The following DIP2B variants were observed in gnomAD, a reference collection of about 807,000 sequenced individuals.
DIP2B encodes the protein DIP2 acetate--CoA ligase B (putative), also known as disco-interacting protein 2 homolog B.
A neutral mutation model predicts 198.0 loss-of-function variants in DIP2B; 76 were observed. The observed-to-expected ratio is 0.38, with a 90% CI of 0.32 to 0.46. DIP2B has a LOEUF of 0.46. DIP2B is among the 20% of genes least tolerant of loss of function. DIP2B has a pLI of 0.99. For synonymous variants in DIP2B, 701 were observed against 739.1 expected (o/e 0.95, Z 0.84); for missense variants, 1,559 against 1,978.4 (o/e 0.79, Z 4.02).
chr12:50,516,946 A>G (rs1958071153), intron 1 of DIP2B, among the ~76,000 whole-genome samples: 1 of 151,974 alleles, frequency 6.6e-6, no homozygotes, highest in Non-Finnish European at 1.5e-5. Flanking sequence ...CAGTGAGCCA[A>G]GATCGTGCCA....
At chr12:50,635,959 G>A (rs997939378) in intron 2 of DIP2B, among the ~76,000 whole-genome samples, 43 of 152,120 alleles carry the variant, frequency 2.8e-4, no homozygotes, top group African/African-American at 1.0e-3. Flanking sequence ...CTAAATGCTT[G>A]CAATATGAAA....
intron 1 of DIP2B, among the ~76,000 whole-genome samples, chr12:50,601,720 C>T (rs1958938541): frequency 1.3e-5 from 2 of 152,102 alleles, no homozygotes; most frequent in Non-Finnish European, 1.5e-5. Context: ...GAACACTCCT[C>T]TTCCTTCTTT....
At position 50,588,552 on chromosome 12, in the gene DIP2B, TA is replaced by T. The variant is rs1593633122; in HGVS notation, c.101-37421del. Reference sequence around the variant, plus strand: ...GTTATTTCCTTAATAGTCACTTCACTAAAGAGCAGGAGGATGTTTTTTGGGG... The same window carrying T: ...GTTATTTCCTTAATAGTCACTTCACTAAGAGCAGGAGGATGTTTTTTGGGG... On this transcript the variant is annotated intron_variant, in intron 1 of 37. Coordinates refer to ENST00000301180, the MANE Select transcript of DIP2B (RefSeq NM_173602.3). Among the ~76,000 whole-genome samples, 3 of 152,314 alleles carry T rather than the reference TA, an allele frequency of 2.0e-5. No individual in the cohort carries two copies. The East Asian group carries it at 5.8e-4, about 29-fold the overall frequency.
intron 32 of DIP2B, 100 bp from the exon 33 acceptor site, chr12:50,734,035 G>A: frequency 1.6e-6 from 2 of 1,272,092 alleles, no homozygotes; most frequent in Non-Finnish European, 2.3e-6. Flanking sequence ...TGAAAAGAGT[G>A]TGGATTTTTC....
intron 22 of DIP2B, among the ~76,000 whole-genome samples, chr12:50,712,769 T>C (rs1342828316): frequency 6.7e-6 from 1 of 150,032 alleles, no homozygotes. Flanking sequence ...TTAGCCGGGC[T>C]TGGTGGCGGG....
At chr12:50,523,410 G>C (rs950018135) in intron 1 of DIP2B, among the ~76,000 whole-genome samples, 1 of 152,094 alleles carries the variant, frequency 6.6e-6, no homozygotes, top group Non-Finnish European at 1.5e-5. Flanking sequence ...TTCACTTAGA[G>C]GTTTGTTTAA....
intron 9 of DIP2B, 129 bp from the exon 10 acceptor site, chr12:50,683,009 A>C (rs1179574490): frequency 3.9e-6 from 3 of 760,444 alleles, no homozygotes; most frequent in African/African-American, 3.6e-5. Context: ...AATTTCCTTT[A>C]GAGCAGATGG....
chr12:50,604,778 GA>G lies in DIP2B; in HGVS notation c.101-21197del, dbSNP rs1477448780. Among the ~76,000 whole-genome samples, 5 of 152,190 alleles carry G rather than the reference GA, an allele frequency of 3.3e-5. No individual in the cohort carries two copies. The East Asian group carries it at 9.7e-4, about 29-fold the overall frequency. ...TGTTGACAGATGAAGCGATATGCCT[GA>G]TACCAGTTCTTTGAATTTTTTATAA... On this transcript the variant is annotated intron_variant, in intron 1 of 37. Transcript: ENST00000301180.
chr12:50,595,984 T>G (rs1347955360), intron 1 of DIP2B, among the ~76,000 whole-genome samples: 2 of 152,208 alleles, frequency 1.3e-5, no homozygotes, highest in African/African-American at 4.8e-5. Context: ...TTCTGCTGTA[T>G]GTAAGGAATT....
chr12:50,520,308 C>T (rs1037255149), intron 1 of DIP2B, among the ~76,000 whole-genome samples: 1 of 151,900 alleles, frequency 6.6e-6, no homozygotes, highest in Admixed American at 6.6e-5. Flanking sequence ...AGTGCGGGGA[C>T]TACAGGCGTG....
intron 3 of DIP2B, among the ~76,000 whole-genome samples, chr12:50,643,424 TG>T (rs1938295623): frequency 6.6e-6 from 1 of 150,640 alleles, no homozygotes; most frequent in African/African-American, 2.5e-5. Context: ...TGTGTGTGTG[TG>T]TGTGTGTGTG....
At chr12:50,556,824 C>G (rs1958475988) in intron 1 of DIP2B, among the ~76,000 whole-genome samples, 1 of 152,202 alleles carries the variant, frequency 6.6e-6, no homozygotes, top group South Asian at 2.1e-4. Flanking sequence ...ATTCTCCTGC[C>G]TCAGCCTCCC....
At chr12:50,534,369 ATTTTTT>A (rs72095442) in intron 1 of DIP2B, among the ~76,000 whole-genome samples, 1 of 107,868 alleles carries the variant, frequency 9.3e-6, no homozygotes, top group Admixed American at 1.2e-4. Context: ...TTCTCATTTC[ATTTTTT>A]TTTTTTTTTT....
intron 1 of DIP2B, among the ~76,000 whole-genome samples, chr12:50,598,520 A>G (rs917547458): frequency 7.9e-5 from 12 of 151,844 alleles, no homozygotes; most frequent in African/African-American, 2.7e-4. Flanking sequence ...TCTAAAATGT[A>G]TCCTTTTGCA....
chr12:50,726,548 G>A (rs185994034), intron 28 of DIP2B, among the ~76,000 whole-genome samples: 12 of 151,768 alleles, frequency 7.9e-5, no homozygotes, highest in Admixed American at 7.9e-4. Context: ...ACAGGGTTTT[G>A]CCATGTTGGC....
At chr12:50,599,357 TG>T (rs1958916422) in intron 1 of DIP2B, among the ~76,000 whole-genome samples, 1 of 151,886 alleles carries the variant, frequency 6.6e-6, no homozygotes, top group South Asian at 2.1e-4. Flanking sequence ...GGCTCACGCC[TG>T]TAATCCCAGC....
chr12:50,665,003 C>T (rs1191034736), intron 4 of DIP2B, among the ~76,000 whole-genome samples: 1 of 151,808 alleles, frequency 6.6e-6, no homozygotes, highest in Non-Finnish European at 1.5e-5. Context: ...TGCATGCTGC[C>T]ACACCCGGCT....
chr12:50,669,219 CTT>C (rs34135958), intron 4 of DIP2B, among the ~76,000 whole-genome samples: 1 of 152,096 alleles, frequency 6.6e-6, no homozygotes, highest in Non-Finnish European at 1.5e-5. Context: ...TCCTGTAAGC[CTT>C]TTTAGGGCAC....
At chr12:50,641,004 C>G (rs1938247675) in intron 3 of DIP2B, 152 bp downstream of exon 3, 1 of 1,014,030 alleles carries the variant, frequency 9.9e-7, no homozygotes, top group Non-Finnish European at 1.4e-6. Flanking sequence ...TATTTTGTAC[C>G]CTACTATGTA....
Sources: allele counts gnomAD v4.1 joint callset (sites outside exome capture counted in the v4.1 genomes callset), GRCh38; gene constraint gnomAD v4.1.1; transcripts MANE v1.5; gene names NCBI Gene and HGNC (gene_info 2026-07-23, HGNC 2026-07-21).